Variants in DRGX observed in about 807,000 individuals in gnomAD.
DRGX encodes dorsal root ganglia homeobox.
In DRGX, 21 loss-of-function variants were observed where a neutral mutation model predicts 28.6. The ratio of observed to expected loss-of-function variants is 0.73; its 90% CI spans 0.52 to 1.06. DRGX has a LOEUF of 1.06. Among genes scored for constraint, DRGX ranks in the 50% least tolerant of loss-of-function variants. The pLI, the probability that DRGX is intolerant of heterozygous loss-of-function variation, is 0.00. For missense variants in DRGX, 354 were observed against 343.9 expected, an observed-to-expected ratio of 1.03 and a Z score of -0.23; for synonymous variants, 136 against 139.1, an observed-to-expected ratio of 0.98 and a Z score of 0.16.
intron 6 of DRGX, among the ~76,000 whole-genome samples, chr10:49,385,694 T>C (rs1849824727): frequency 6.6e-6 from 1 of 151,480 alleles, no homozygotes; most frequent in Admixed American, 6.6e-5. Context: ...GTCTCCTACT[T>C]CCTATTATCA....
At chr10:49,390,283 G>A (rs1487736251) in intron 3 of DRGX, 49 bp from the exon 4 acceptor site, 1 of 1,501,598 alleles carries the variant, frequency 6.7e-7, no homozygotes, top group Admixed American at 2.1e-5. Flanking sequence ...GGCTAGGTGA[G>A]GGGAAGCAGA....
At chr10:49,382,245 C>T (rs1347655323) in intron 6 of DRGX, among the ~76,000 whole-genome samples, 5 of 152,182 alleles carry the variant, frequency 3.3e-5, no homozygotes, top group Non-Finnish European at 1.5e-5. Flanking sequence ...ACAGCAGCCT[C>T]CATCCCAAGG....
intron 6 of DRGX, among the ~76,000 whole-genome samples, chr10:49,381,750 T>A (rs1375058757): frequency 6.6e-6 from 1 of 152,166 alleles, no homozygotes; most frequent in Non-Finnish European, 1.5e-5. Context: ...CAGAACAGCC[T>A]TGGCTTGGAT....
chr10:49,366,065 T>C lies in DRGX; in HGVS notation c.*51A>G, dbSNP rs1438571570. 6.4e-6 allele frequency: 9 copies of C among 1,414,236 alleles called. No homozygotes were observed. The highest frequency in any genetic ancestry group is 8.3e-6 in the Non-Finnish European group (9 of 1,085,294). The allele number at this position is 1,414,236 out of a possible 1,614,324, so 87.6% of individuals were successfully genotyped here. On this transcript the variant is annotated 3_prime_UTR_variant, in exon 7 of 7. Coordinates refer to ENST00000374139, the MANE Select transcript of DRGX (RefSeq NM_001276451.2). ...GAGAGTTTTCTGTAGGGGCTGAGGC[T>C]GGGAGAAGGAGGGGCGGGGGAGGGC... is the stretch of plus-strand genomic sequence containing the variant.
chr10:49,389,699 T>C (rs1273685989), intron 4 of DRGX, among the ~76,000 whole-genome samples: 1 of 152,190 alleles, frequency 6.6e-6, no homozygotes, highest in Non-Finnish European at 1.5e-5. Flanking sequence ...GGGGAAAAGT[T>C]GGACATGATG....
chr10:49,388,700 T>C (rs1258433799), intron 4 of DRGX, among the ~76,000 whole-genome samples: 6 of 152,234 alleles, frequency 3.9e-5, no homozygotes, highest in African/African-American at 1.4e-4. Context: ...GGAAAGAGCA[T>C]GATGGAGTCG....
chr10:49,381,916 G>A (rs768679036), intron 6 of DRGX, among the ~76,000 whole-genome samples: 3 of 152,220 alleles, frequency 2.0e-5, no homozygotes, highest in East Asian at 3.8e-4. Flanking sequence ...ATTTGGGTCT[G>A]GGAGCTGAAA....
At chr10:49,391,319 C>G (rs1849902552) in intron 2 of DRGX, 58 bp from the exon 3 acceptor site, 1 of 1,463,104 alleles carries the variant, frequency 6.8e-7, no homozygotes, top group African/African-American at 1.4e-5. Flanking sequence ...TCAGACCGCC[C>G]CCAGACACAG....
chr10:49,395,379 G>A, intron 2 of DRGX, 28 bp downstream of exon 2: 1 of 1,548,336 alleles, frequency 6.5e-7, no homozygotes, highest in Non-Finnish European at 8.7e-7. Context: ...TGGCTTCATG[G>A]AGACCCTGGG....
chr10:49,379,493 G>T (rs1053202899), intron 6 of DRGX, among the ~76,000 whole-genome samples: 1 of 152,186 alleles, frequency 6.6e-6, no homozygotes, highest in African/African-American at 2.4e-5. Flanking sequence ...GGGAAAGATG[G>T]TTTTGGGGGG....
chr10:49,370,540 C>T (rs981796598), intron 6 of DRGX, among the ~76,000 whole-genome samples: 16 of 152,236 alleles, frequency 1.1e-4, no homozygotes, highest in Admixed American at 3.9e-4. Flanking sequence ...CGCACAAACA[C>T]GGTAACAGCC....
At chr10:49,389,006 C>T (rs567863165) in intron 4 of DRGX, among the ~76,000 whole-genome samples, 2 of 152,240 alleles carry the variant, frequency 1.3e-5, no homozygotes, top group South Asian at 2.1e-4. Flanking sequence ...CTTCTGAATG[C>T]TCAATAATTG....
In DRGX at chr10:49,365,985, C is replaced by T; in HGVS notation, c.*131G>A. 8.7e-7 allele frequency: 1 copy of T among 1,153,396 alleles called. No homozygotes were observed. The highest frequency in any genetic ancestry group is 1.2e-6 in the Non-Finnish European group (1 of 866,188). 71.4% of individuals were successfully genotyped at this position (1,153,396 alleles called of 1,614,324 possible). On this transcript the variant is annotated 3_prime_UTR_variant, in exon 7 of 7. Transcript: ENST00000374139. ...CCAAGGGAGCTGTGGGTCTCACTTGCCCGTCCTGGGTCCATGCAGAGGCCC... is the reference window on the plus strand; with the variant it reads ...CCAAGGGAGCTGTGGGTCTCACTTGTCCGTCCTGGGTCCATGCAGAGGCCC...
intron 6 of DRGX, among the ~76,000 whole-genome samples, chr10:49,377,185 C>T (rs1471746849): frequency 6.6e-6 from 1 of 152,232 alleles, no homozygotes; most frequent in East Asian, 1.9e-4. Flanking sequence ...CAGAGCAACA[C>T]AAGATTCTTT....
At chr10:49,394,822 C>T (rs1458109079) in intron 2 of DRGX, among the ~76,000 whole-genome samples, 1 of 152,192 alleles carries the variant, frequency 6.6e-6, no homozygotes, top group African/African-American at 2.4e-5. Flanking sequence ...AGAGAAGGAG[C>T]CATGCTAGGT....
In DRGX at chr10:49,384,155, G is replaced by C. The variant is rs111883729; in HGVS notation, c.526+2323C>G. Among the ~76,000 whole-genome samples the C allele has an allele frequency of 6.6e-3, 1,002 of 152,296 alleles. 8 individuals carry two copies. The highest frequency in any genetic ancestry group is 0.022 in the African/African-American group (923 of 41,552). ...GTAGCAACATGTGCCTTTTACCCAG[G>C]CCTCTCTCAGAAGTGGGAAAATGAT... On this transcript the variant is annotated intron_variant, in intron 6 of 6. Coordinates refer to ENST00000374139, the MANE Select transcript of DRGX (RefSeq NM_001276451.2).
In DRGX at chr10:49,386,549, G is replaced by A. The variant is rs1564708662; in HGVS notation, c.455C>T (p.Ser152Phe). The A allele has an allele frequency of 6.3e-7, 1 of 1,590,824 alleles. No homozygotes were observed. The highest frequency in any genetic ancestry group is 8.6e-7 in the Non-Finnish European group (1 of 1,168,602). The change falls in exon 6 of 7, where the codon TCC becomes TTC. Residue 152 changes from serine (S) to phenylalanine (F), a missense_variant. Physicochemically the swap from Ser to Phe is radical, Grantham distance 155 (BLOSUM62 -2). Coordinates refer to ENST00000374139, the MANE Select transcript of DRGX (RefSeq NM_001276451.2). ...TVGPAGPFFP[S>F]CLPGTLLNTA... is the part of the protein sequence containing the mutation. ...GTTCAGGAGAGTCCCCGGCAAGCAG[G>A]AGGGGAAGAAAGGCCCTGCAGGACC...
intron 6 of DRGX, among the ~76,000 whole-genome samples, chr10:49,386,108 G>A (rs1849831114): frequency 6.6e-6 from 1 of 152,086 alleles, no homozygotes; most frequent in African/African-American, 2.4e-5. Context: ...TGCATGGAGA[G>A]GGAGCTGGGA....
intron 6 of DRGX, among the ~76,000 whole-genome samples, chr10:49,383,060 C>T (rs1849794828): frequency 6.6e-6 from 1 of 152,190 alleles, no homozygotes; most frequent in South Asian, 2.1e-4. Flanking sequence ...GGCTGACCTG[C>T]TGACTCCAAG....
Sources: allele counts gnomAD v4.1 joint callset (sites outside exome capture counted in the v4.1 genomes callset), GRCh38; gene constraint gnomAD v4.1.1; transcripts MANE v1.5; gene names NCBI Gene and HGNC (gene_info 2026-07-23, HGNC 2026-07-21).